The following FAM135A variants were observed in gnomAD, a reference collection of about 807,000 sequenced individuals.
The protein encoded by FAM135A is family with sequence similarity 135 member A.
FAM135A carries 79 observed loss-of-function variants against 146.8 expected under a neutral mutation model. The ratio of observed to expected loss-of-function variants is 0.54; its 90% CI spans 0.45 to 0.65. The LOEUF is 0.65. FAM135A is among the 30% of genes least tolerant of loss of function. FAM135A has a pLI of 0.00. For synonymous variants in FAM135A, 562 were observed against 603.6 expected (o/e 0.93, Z 1.01); for missense variants, 1,623 against 1,758.2 (o/e 0.92, Z 1.38).
chr6:70,545,523 G>A (rs1798696553), intron 20 of FAM135A, among the ~76,000 whole-genome samples: 1 of 152,116 alleles, frequency 6.6e-6, no homozygotes, highest in African/African-American at 2.4e-5. Context: ...GCTGAGGCAG[G>A]AGAATTGCTT....
chr6:70,555,572 A>G (rs1800679383), intron 20 of FAM135A, among the ~76,000 whole-genome samples: 1 of 150,920 alleles, frequency 6.6e-6, no homozygotes, highest in African/African-American at 2.4e-5. Flanking sequence ...GTTTTCTTAA[A>G]GCTATACACA....
chr6:70,442,380 T>C (rs1229097591), intron 4 of FAM135A, among the ~76,000 whole-genome samples: 1 of 152,078 alleles, frequency 6.6e-6, no homozygotes, highest in Non-Finnish European at 1.5e-5. Context: ...TTTAGTGTTG[T>C]TTAGGGATTG....
rs200049324 is a variant in FAM135A, at chr6:70,526,184, G to A, written c.3100G>A (p.Val1034Ile). 4.9e-5 allele frequency: 79 copies of A among 1,613,304 alleles called. No individual in the cohort carries two copies. The highest frequency in any genetic ancestry group is 3.3e-4 in the Middle Eastern group (2 of 6,082). ...SDPFSASTDI[V>I]KQGLVENYFG... is the part of the protein sequence containing the mutation. Reference sequence around the variant, plus strand: ...TCCTTTTTCAGCCAGTACTGATATAGTAAAGCAAGGGCTTGTGGAAAATTA... The same window carrying A: ...TCCTTTTTCAGCCAGTACTGATATAATAAAGCAAGGGCTTGTGGAAAATTA... Residue 1034 changes from valine (V) to isoleucine (I), a missense_variant, in exon 15 of 22, where the codon GTA (valine) becomes ATA (isoleucine). Physicochemically the swap from Val to Ile is conservative, Grantham distance 29. This residue lies in a region of FAM135A where 1,061 missense variants were observed against 1,113.8 expected (regional missense o/e 0.95). Transcript: ENST00000418814.
At chr6:70,526,788 C>T (rs1794820461) in intron 15 of FAM135A, 90 bp downstream of exon 15, 3 of 752,792 alleles carry the variant, frequency 4.0e-6, no homozygotes, top group Admixed American at 3.5e-5. Flanking sequence ...CACACACACA[C>T]ACACACACAC....
At chr6:70,531,166 C>T (rs144186949) in intron 16 of FAM135A, among the ~76,000 whole-genome samples, 9 of 152,206 alleles carry the variant, frequency 5.9e-5, no homozygotes, top group Non-Finnish European at 8.8e-5. Context: ...GGCTGATTTT[C>T]TCAAAACACT....
At chr6:70,433,121 C>T (rs973346192) in intron 4 of FAM135A, among the ~76,000 whole-genome samples, 1 of 150,830 alleles carries the variant, frequency 6.6e-6, no homozygotes, top group Non-Finnish European at 1.5e-5. Context: ...GTCGCCCAGG[C>T]TGGAGTGCGG....
At chr6:70,496,097 T>C (rs1787178971) in intron 11 of FAM135A, among the ~76,000 whole-genome samples, 6 of 152,202 alleles carry the variant, frequency 3.9e-5, no homozygotes, top group Admixed American at 3.9e-4. Flanking sequence ...GCAATAAACA[T>C]ACGTGTGCAT....
intron 4 of FAM135A, among the ~76,000 whole-genome samples, chr6:70,447,756 C>G (rs1462733063): frequency 6.6e-6 from 1 of 152,180 alleles, no homozygotes; most frequent in Admixed American, 6.5e-5. Context: ...TCAGACTCAG[C>G]AGTTTTCTTT....
intron 20 of FAM135A, among the ~76,000 whole-genome samples, chr6:70,549,225 G>A (rs1412764399): frequency 6.6e-6 from 1 of 152,050 alleles, no homozygotes; most frequent in African/African-American, 2.4e-5. Flanking sequence ...TCTCCCTTCT[G>A]AAGTGGAATC....
At chr6:70,542,276 A>ACACACACACACC (rs1242891663) in intron 20 of FAM135A, among the ~76,000 whole-genome samples, 27 of 149,130 alleles carry the variant, frequency 1.8e-4, no homozygotes, top group African/African-American at 5.2e-4. Flanking sequence ...ACACACACAC[A>ACACACACACACC]CCCTTTGCTG....
rs1252340018 is a variant in FAM135A at position 70,551,146 on chromosome 6, C to G, written c.4229-5604C>G. Reference sequence around the variant, plus strand: ...ATCAGCAATAAAACTGTTTTGGTGTCTCATCATTTGTGTTTTCACTAGAGT... The same window carrying G: ...ATCAGCAATAAAACTGTTTTGGTGTGTCATCATTTGTGTTTTCACTAGAGT... On this transcript the variant is annotated intron_variant, in intron 20 of 21. Transcript: ENST00000418814. Among the ~76,000 whole-genome samples, 8 of 152,194 alleles carry G rather than the reference C, an allele frequency of 5.3e-5. 1 individual carries two copies. Among genetic ancestry groups the G allele is most frequent in the Admixed American group, 4.6e-4 (7 of 15,280 alleles).
At chr6:70,468,933 T>C (rs1249876185) in intron 5 of FAM135A, among the ~76,000 whole-genome samples, 1 of 152,174 alleles carries the variant, frequency 6.6e-6, no homozygotes, top group Non-Finnish European at 1.5e-5. Flanking sequence ...TAGTGGCCTG[T>C]AGTAGGGGAA....
At chr6:70,449,024 C>A (rs995303416) in intron 4 of FAM135A, among the ~76,000 whole-genome samples, 1 of 152,160 alleles carries the variant, frequency 6.6e-6, no homozygotes, top group Non-Finnish European at 1.5e-5. Flanking sequence ...AGTTTAATGG[C>A]CAGATTTTGG....
chr6:70,518,306 G>T (rs924257275), intron 12 of FAM135A, among the ~76,000 whole-genome samples: 1 of 152,190 alleles, frequency 6.6e-6, no homozygotes, highest in African/African-American at 2.4e-5. Context: ...AAGGCTGAAA[G>T]GTAAGGAAGC....
chr6:70,510,176 C>T (rs182306414), intron 12 of FAM135A, among the ~76,000 whole-genome samples: 3 of 133,800 alleles, frequency 2.2e-5, no homozygotes, highest in African/African-American at 2.9e-5. Flanking sequence ...ACAGCACCAC[C>T]GAAGTAGAAG....
At chr6:70,470,681 A>G (rs1046800706) in intron 5 of FAM135A, among the ~76,000 whole-genome samples, 12 of 152,178 alleles carry the variant, frequency 7.9e-5, no homozygotes, top group African/African-American at 2.7e-4. Context: ...TATCACATAG[A>G]TCAACCCTGG....
chr6:70,520,615 CA>C (rs1378283489), intron 12 of FAM135A, among the ~76,000 whole-genome samples: 5 of 151,786 alleles, frequency 3.3e-5, no homozygotes, highest in African/African-American at 1.2e-4. Flanking sequence ...ATTGGGCACA[CA>C]AAATTCATTT....
intron 4 of FAM135A, among the ~76,000 whole-genome samples, chr6:70,442,912 C>G (rs1194284314): frequency 6.6e-6 from 1 of 152,196 alleles, no homozygotes; most frequent in African/African-American, 2.4e-5. Flanking sequence ...GTTTATTCAA[C>G]CAGTCCCCTA....
intron 4 of FAM135A, among the ~76,000 whole-genome samples, chr6:70,441,936 G>A (rs1464666555): frequency 1.3e-5 from 2 of 151,954 alleles, no homozygotes; most frequent in African/African-American, 4.8e-5. Context: ...ACCTGCCTTG[G>A]CCTCCCAAAG....
Sources: gnomAD v4.1 joint callset for allele counts (sites outside exome capture counted in the v4.1 genomes callset) on GRCh38, gnomAD v4.1.1 for gene constraint, gnomAD v4.1.1 regional missense constraint, MANE v1.5 for transcripts, NCBI Gene and HGNC (gene_info 2026-07-23, HGNC 2026-07-21) for gene names.